TANC1: variants seen among roughly 807,000 people sequenced by gnomAD.
TANC1 encodes the protein protein TANC1.
A neutral mutation model predicts 149.7 loss-of-function variants in TANC1; 77 were observed. The observed-to-expected ratio is 0.51, with a 90% CI of 0.43 to 0.62. The LOEUF is 0.62. Among genes scored for constraint, TANC1 ranks in the 20% least tolerant of loss-of-function variants. The pLI, the probability that TANC1 is intolerant of heterozygous loss-of-function variation, is 0.00. For synonymous variants in TANC1, 854 were observed against 925.0 expected (o/e 0.92, Z 1.39); for missense variants, 1,985 against 2,321.8 (o/e 0.85, Z 2.98).
rs1272026224 is a variant in TANC1, at chr2:159,150,439, G to T, written c.565G>T (p.Asp189Tyr). 2 of 1,614,112 alleles carry T rather than the reference G, an allele frequency of 1.2e-6. No individual in the cohort carries two copies. Among genetic ancestry groups the T allele is most frequent in the South Asian group, 2.2e-5 (2 of 91,078 alleles). The stretch of plus-strand genomic sequence containing the variant: ...AAGCAGCACCGCATCTCCTAGCACC[G>T]ATAGCCCCTGCTCAACCTTGAATAG... ...LTSSTASPST[D>Y]SPCSTLNSCV... is the part of the protein sequence containing the mutation. Residue 189 changes from aspartate to tyrosine, a missense_variant, in exon 7 of 27, where the codon GAT becomes TAT. Asp to Tyr is a radical substitution (Grantham distance 160). Coordinates refer to ENST00000263635, the MANE Select transcript of TANC1 (RefSeq NM_033394.3).
chr2:159,067,421 T>C (rs556900627), intron 3 of TANC1, among the ~76,000 whole-genome samples: 1 of 152,272 alleles, frequency 6.6e-6, no homozygotes, highest in Admixed American at 6.5e-5. Flanking sequence ...AGACCATAGT[T>C]AACCTTAGAA....
chr2:159,195,919 A>C (rs1323646840), intron 17 of TANC1, among the ~76,000 whole-genome samples: 1 of 152,216 alleles, frequency 6.6e-6, no homozygotes, highest in Non-Finnish European at 1.5e-5. Context: ...CTCTGCTCCC[A>C]GGCCCAGTAC....
At position 159,037,535 on chromosome 2, in the gene TANC1, G is replaced by A. The variant is rs1324073733; in HGVS notation, c.-15-28361G>A. ...TCCATCTTGAATTAATTTTTGTATA[G>A]GTATAAGGAAGGGATCCAGTTTCAG... On this transcript the variant is annotated intron_variant, in intron 2 of 26. Transcript: ENST00000263635. Among the ~76,000 whole-genome samples the A allele has an allele frequency of 3.9e-5, 6 of 152,094 alleles. No individual in the cohort carries two copies. The South Asian group carries it at 8.3e-4, about 21-fold the overall frequency.
chr2:159,034,663 C>T (rs2040039898), intron 2 of TANC1, among the ~76,000 whole-genome samples: 1 of 152,194 alleles, frequency 6.6e-6, no homozygotes, highest in Non-Finnish European at 1.5e-5. Flanking sequence ...GTTTTAATGC[C>T]TTTTGCTACT....
At chr2:159,197,118 G>A (rs1022948624) in intron 18 of TANC1, among the ~76,000 whole-genome samples, 6 of 152,074 alleles carry the variant, frequency 3.9e-5, no homozygotes, top group East Asian at 3.9e-4. Context: ...CCTTTGATTC[G>A]TTTCTTCTGT....
intron 1 of TANC1, among the ~76,000 whole-genome samples, chr2:158,975,614 C>G (rs950978864): frequency 2.0e-5 from 3 of 150,080 alleles, no homozygotes; most frequent in African/African-American, 4.9e-5. Context: ...AGGAGGCGGG[C>G]GGGTAGAGAC....
Position 159,231,047 on chromosome 2 carries a change from C to T in TANC1, c.*35C>T, listed in dbSNP as rs1193248857. 2.1e-6 allele frequency: 3 copies of T among 1,456,338 alleles called. No homozygotes were observed. Among genetic ancestry groups the T allele is most frequent in the Admixed American group, 2.1e-5 (1 of 47,628 alleles). 90.2% of individuals were successfully genotyped at this position (1,456,338 alleles called of 1,614,324 possible). A position where few individuals can be genotyped will look rare whatever the true frequency, so the allele number is the denominator to read the frequency against. On this transcript the variant is annotated 3_prime_UTR_variant, in exon 27 of 27. Transcript: ENST00000263635. ...AATCCCCATTTGTGGAATTTGGAAA[C>T]GTGTGTTGACTCCTGGTGGTAAATT... is the stretch of plus-strand genomic sequence containing the variant.
intron 7 of TANC1, among the ~76,000 whole-genome samples, chr2:159,161,753 C>A (rs2054067554): frequency 6.6e-6 from 1 of 152,218 alleles, no homozygotes; most frequent in Non-Finnish European, 1.5e-5. Flanking sequence ...TGGTTTAATA[C>A]TGCTGATGGA....
intron 2 of TANC1, among the ~76,000 whole-genome samples, chr2:159,045,463 T>C (rs2040966980): frequency 6.6e-6 from 1 of 151,944 alleles, no homozygotes; most frequent in Non-Finnish European, 1.5e-5. Flanking sequence ...CCAGATATGA[T>C]AAAGAGTTTA....
At chr2:159,134,572 T>A (rs551315343) in intron 4 of TANC1, among the ~76,000 whole-genome samples, 3 of 152,318 alleles carry the variant, frequency 2.0e-5, no homozygotes, top group Non-Finnish European at 4.4e-5. Context: ...AGACTCCACC[T>A]CCTGGGTTCA....
rs962327549 is a variant in TANC1 at position 159,228,167 on chromosome 2, G to A, written c.4050+202G>A. 9 of 584,812 alleles carry A rather than the reference G, an allele frequency of 1.5e-5. No individual in the cohort carries two copies. The African/African-American group carries it at 1.7e-4, about 11-fold the overall frequency. 36.2% of individuals were successfully genotyped at this position (584,812 alleles called of 1,614,324 possible). ...GCTGCTACGCTCCTCGCATGATGTT[G>A]AAGGAATGCACTTGGGTTTCGTTTC... On this transcript the variant is annotated intron_variant, in intron 25 of 26. Transcript: ENST00000263635.
At chr2:159,046,556 G>C (rs926500447) in intron 2 of TANC1, among the ~76,000 whole-genome samples, 2 of 86,510 alleles carry the variant, frequency 2.3e-5, no homozygotes, top group Non-Finnish European at 7.5e-5. Context: ...TGTCTCTTCT[G>C]GGTTCCTATG....
intron 2 of TANC1, among the ~76,000 whole-genome samples, chr2:159,002,831 G>A (rs1050300809): frequency 2.0e-5 from 3 of 152,302 alleles, no homozygotes; most frequent in East Asian, 3.9e-4. Context: ...CATGGAGAGC[G>A]TGGTTCTGTG....
chr2:159,059,915 T>TGTGTGTGTGG, intron 2 of TANC1, among the ~76,000 whole-genome samples: 1 of 147,662 alleles, frequency 6.8e-6, no homozygotes. Context: ...TGTGTGTGTG[T>TGTGTGTGTGG]GTGTGTGTGT....
At chr2:159,162,369 G>A (rs893420062) in intron 7 of TANC1, among the ~76,000 whole-genome samples, 1 of 152,068 alleles carries the variant, frequency 6.6e-6, no homozygotes, top group Non-Finnish European at 1.5e-5. Flanking sequence ...GGTGGACATG[G>A]CCCCTGTTCT....
rs188684607 is a variant in TANC1 at position 159,207,789 on chromosome 2, G to A, written c.3244+8736G>A. ...ACCTTAAGTAAGTGGTTTAATTTCG[G>A]AGGCTTATTTTCCTCATCTGTAACA... is the stretch of plus-strand genomic sequence containing the variant. On this transcript the variant is annotated intron_variant, in intron 19 of 26. Coordinates refer to ENST00000263635, the MANE Select transcript of TANC1 (RefSeq NM_033394.3). Among the ~76,000 whole-genome samples, 1,438 of 146,460 alleles carry A rather than the reference G, an allele frequency of 9.8e-3. 17 individuals are homozygous for A. Among genetic ancestry groups the A allele is most frequent in the Non-Finnish European group, 0.016 (1,091 of 67,432 alleles).
At chr2:158,988,519 C>T (rs992287742) in intron 1 of TANC1, among the ~76,000 whole-genome samples, 3 of 152,084 alleles carry the variant, frequency 2.0e-5, no homozygotes, top group Admixed American at 1.3e-4. Flanking sequence ...CCTTTATTTT[C>T]CCCTCCACCT....
intron 22 of TANC1, among the ~76,000 whole-genome samples, chr2:159,223,239 G>T (rs1559488773): frequency 6.6e-6 from 1 of 152,166 alleles, no homozygotes; most frequent in Non-Finnish European, 1.5e-5. Context: ...ACAGACAGGT[G>T]CTTGCAGACC....
chr2:159,149,584 T>C, intron 6 of TANC1: 2 of 329,578 alleles, frequency 6.1e-6, no homozygotes, highest in Non-Finnish European at 1.2e-5. Context: ...TTTACCTTTA[T>C]AGCACCGTTC....
Sources: gnomAD v4.1 joint callset for allele counts (sites outside exome capture counted in the v4.1 genomes callset) on GRCh38, gnomAD v4.1.1 for gene constraint, MANE v1.5 for transcripts, NCBI Gene and HGNC (gene_info 2026-07-23, HGNC 2026-07-21) for gene names.